CPM: variants seen among roughly 807,000 people sequenced by gnomAD.
CPM encodes carboxypeptidase M, also known as renal carboxypeptidase.
A neutral mutation model predicts 46.4 loss-of-function variants in CPM; 35 were observed. The ratio of observed to expected loss-of-function variants is 0.75; its 90% CI spans 0.58 to 1.00. The LOEUF (loss-of-function observed/expected upper bound fraction) is 1.00. Ranked by LOEUF, CPM falls within the 50% of genes least tolerant of loss-of-function variation. CPM has a pLI of 0.00. For synonymous variants in CPM, 195 were observed against 195.3 expected, an observed-to-expected ratio of 1.00 and a Z score of 0.01; for missense variants, 422 against 530.4, an observed-to-expected ratio of 0.80 and a Z score of 2.01.
intron 2 of CPM, among the ~76,000 whole-genome samples, chr12:68,897,390 G>A (rs1886918362): frequency 6.6e-6 from 1 of 151,698 alleles, no homozygotes; most frequent in Admixed American, 6.6e-5. Flanking sequence ...GGTCCCTTGA[G>A]GAAGAGGTCA....
intron 3 of CPM, among the ~76,000 whole-genome samples, 178 bp downstream of exon 3, chr12:68,885,614 G>C (rs764056591): frequency 6.6e-6 from 1 of 152,142 alleles, no homozygotes. Context: ...GTGGTTGTTG[G>C]ACCCTGATTC....
intron 2 of CPM, among the ~76,000 whole-genome samples, chr12:68,911,730 C>G (rs1887602330): frequency 6.6e-6 from 1 of 152,172 alleles, no homozygotes. Context: ...TGTTTATTAA[C>G]TTATTTAGCC....
chr12:68,891,314 T>G (rs10784733), intron 2 of CPM, among the ~76,000 whole-genome samples: 133,713 of 152,252 alleles, frequency 0.88, 58,796 homozygotes, highest in Admixed American at 0.89. Flanking sequence ...TAAACACTCA[T>G]TCTCCAAAGT....
At chr12:68,866,489 G>A (rs573491526) in intron 7 of CPM, among the ~76,000 whole-genome samples, 5 of 152,178 alleles carry the variant, frequency 3.3e-5, no homozygotes, top group Admixed American at 1.3e-4. Flanking sequence ...GACTACAGGC[G>A]TGTGCCACCA....
Position 68,869,458 on chromosome 12 carries a change from A to G in CPM, c.654T>C (p.Asp218=). Residue 218 remains aspartate, a synonymous_variant, in exon 6 of 9, where the codon GAT becomes GAC. Coordinates refer to ENST00000551568, the MANE Select transcript of CPM (RefSeq NM_198320.5). ...GTGCAAGATATTGAAAAACATCATC[A>G]TCAGGCGTTAAGCTTCGGGAGTATA... ...GALYSRSLTP[D]DDVFQYLAHT... is the part of the protein sequence containing the mutation. The G allele has an allele frequency of 1.2e-6, 2 of 1,613,094 alleles. No individual in the cohort carries two copies. Among genetic ancestry groups the G allele is most frequent in the Non-Finnish European group, 1.7e-6 (2 of 1,179,374 alleles).
chr12:68,876,723 C>A (rs936188928), intron 3 of CPM, among the ~76,000 whole-genome samples: 1 of 152,204 alleles, frequency 6.6e-6, no homozygotes, highest in African/African-American at 2.4e-5. Flanking sequence ...AAAATACATT[C>A]TCTATCAGCT....
intron 1 of CPM, among the ~76,000 whole-genome samples, chr12:68,943,878 T>G (rs1592713228): frequency 6.6e-6 from 1 of 152,312 alleles, no homozygotes; most frequent in Non-Finnish European, 1.5e-5. Context: ...TTTTTTTTTT[T>G]TTAAAAACTG....
At chr12:68,955,699 G>C (rs952250388) in intron 1 of CPM, among the ~76,000 whole-genome samples, 1 of 152,172 alleles carries the variant, frequency 6.6e-6, no homozygotes, top group African/African-American at 2.4e-5. Context: ...CCTATCCGCA[G>C]ACAGGTTGTC....
intron 1 of CPM, among the ~76,000 whole-genome samples, chr12:68,942,727 T>G (rs1888784293): frequency 1.3e-5 from 2 of 152,222 alleles, no homozygotes; most frequent in South Asian, 4.1e-4. Flanking sequence ...CCTGTGATCT[T>G]TCTTGGGGAG....
In CPM at chr12:68,854,747, G is replaced by A. The variant is rs568837831; in HGVS notation, c.*1690C>T. The A allele has an allele frequency of 6.6e-6, 1 of 152,538 alleles. No individual in the cohort carries two copies. The highest frequency in any genetic ancestry group is 6.5e-5 in the Admixed American group (1 of 15,304). The allele number at this position is 152,538 out of a possible 1,614,324, so 9.4% of individuals were successfully genotyped here. A position where few individuals can be genotyped will look rare whatever the true frequency, so the allele number is the denominator to read the frequency against. ...GATGGACTGAAGAGGAGAAGGCTGG[G>A]AGCAAGGGACCAGTAAGCTGTTGCA... On this transcript the variant is annotated 3_prime_UTR_variant, in exon 9 of 9. Transcript: ENST00000551568.
Position 68,882,024 on chromosome 12 carries a change from CTT to C in CPM, c.258+3766_258+3767del, listed in dbSNP as rs60522842. On this transcript the variant is annotated intron_variant, in intron 3 of 8. Transcript: ENST00000551568. ...GGCGTGAGCCACCACGCCCGGCCTG[CTT>C]TTTTTTTTTTTTTTTTTTTTAACAT... Among the ~76,000 whole-genome samples the C allele has an allele frequency of 1.1e-3, 139 of 124,764 alleles. 1 individual carries two copies. Among genetic ancestry groups the C allele is most frequent in the African/African-American group, 3.2e-3 (106 of 33,010 alleles). 81.9% of individuals were successfully genotyped at this position (124,764 alleles called of 152,430 possible). A position where few individuals can be genotyped will look rare whatever the true frequency, so the allele number is the denominator to read the frequency against.
chr12:68,921,963 C>G (rs1888058170), intron 2 of CPM, among the ~76,000 whole-genome samples: 1 of 152,018 alleles, frequency 6.6e-6, no homozygotes, highest in African/African-American at 2.4e-5. Flanking sequence ...CACATAATAA[C>G]TCTTAATCTT....
At chr12:68,868,474 G>A (rs571055255) in intron 6 of CPM, among the ~76,000 whole-genome samples, 14 of 152,310 alleles carry the variant, frequency 9.2e-5, no homozygotes, top group African/African-American at 3.4e-4. Flanking sequence ...GGTGGGGTCA[G>A]GCTAACGAGT....
upstream of CPM, among the ~76,000 whole-genome samples, chr12:68,935,162 G>A (rs574425533): frequency 2.6e-5 from 4 of 151,846 alleles, no homozygotes; most frequent in African/African-American, 9.7e-5. Flanking sequence ...TGCCTGCCTC[G>A]GCCTCCCAGA....
intron 2 of CPM, among the ~76,000 whole-genome samples, chr12:68,927,026 A>G (rs867872769): frequency 3.4e-4 from 52 of 152,268 alleles, no homozygotes; most frequent in African/African-American, 1.2e-3. Context: ...ATAAACATAC[A>G]TGTGCATGTG....
intron 3 of CPM, among the ~76,000 whole-genome samples, chr12:68,883,113 C>T (rs2136247839): frequency 6.6e-6 from 1 of 152,304 alleles, no homozygotes; most frequent in Admixed American, 6.5e-5. Flanking sequence ...TATGTGTTCC[C>T]TGCTGGGATT....
At chr12:68,860,803 C>T (rs1885175576) in intron 7 of CPM, among the ~76,000 whole-genome samples, 1 of 152,130 alleles carries the variant, frequency 6.6e-6, no homozygotes, top group African/African-American at 2.4e-5. Flanking sequence ...TATACCACCA[C>T]CCAGGATGGT....
At chr12:68,868,100 C>A (rs550848017) in intron 6 of CPM, among the ~76,000 whole-genome samples, 1 of 152,322 alleles carries the variant, frequency 6.6e-6, no homozygotes, top group Non-Finnish European at 1.5e-5. Flanking sequence ...TAATTTCCTA[C>A]ACATCTGGAT....
chr12:68,873,573 G>A (rs952206560), intron 3 of CPM, among the ~76,000 whole-genome samples: 2 of 151,546 alleles, frequency 1.3e-5, no homozygotes, highest in Non-Finnish European at 2.9e-5. Flanking sequence ...GCTGAGGTAG[G>A]AGGATCGCTT....
Sources: gnomAD v4.1 joint callset for allele counts (sites outside exome capture counted in the v4.1 genomes callset) on GRCh38, gnomAD v4.1.1 for gene constraint, MANE v1.5 for transcripts, NCBI Gene and HGNC (gene_info 2026-07-23, HGNC 2026-07-21) for gene names.